Variants in REPS2 observed in about 807,000 individuals in gnomAD.
REPS2 encodes RALBP1 associated Eps domain containing 2.
A neutral mutation model predicts 53.6 loss-of-function variants in REPS2; 23 were observed. The observed-to-expected ratio is 0.43, with a 90% CI of 0.31 to 0.61. The LOEUF is 0.61. REPS2 is among the 20% of genes least tolerant of loss of function. REPS2 has a pLI of 0.11. For synonymous variants in REPS2, 238 were observed against 218.6 expected (o/e 1.09, Z -0.78); for missense variants, 446 against 534.9 (o/e 0.83, Z 1.64).
chrX:17,032,072 A>T (rs780666998), intron 5 of REPS2, among the ~76,000 whole-genome samples: 9 of 111,828 alleles, frequency 8.0e-5, no homozygotes, highest in Non-Finnish European at 1.7e-4. Context: ...CCTAGATGAA[A>T]TACTGGCACT....
intron 6 of REPS2, among the ~76,000 whole-genome samples, chrX:17,049,718 A>G (rs993737334): frequency 2.7e-5 from 3 of 111,175 alleles, no homozygotes; most frequent in Non-Finnish European, 5.7e-5. Flanking sequence ...TTCCTCAAGC[A>G]TTTATCTATT....
At chrX:17,045,201 G>C (rs1376209347) in intron 5 of REPS2, among the ~76,000 whole-genome samples, 1 of 105,787 alleles carries the variant, frequency 9.5e-6, no homozygotes, top group African/African-American at 3.3e-5. Context: ...CCAAAGTTCT[G>C]GGATTACACG....
At chrX:17,176,950 T>C in the REPS2 span, among the ~76,000 whole-genome samples, 2 of 111,458 alleles carry the variant, frequency 1.8e-5, no homozygotes, top group South Asian at 3.7e-4. Flanking sequence ...CTGCAGTGTC[T>C]CCTCCTCGGT....
intron 5 of REPS2, among the ~76,000 whole-genome samples, chrX:17,041,069 G>A (rs1030981496): frequency 7.2e-5 from 8 of 111,679 alleles, no homozygotes; most frequent in South Asian, 7.4e-4. Flanking sequence ...TTGGCAGGCC[G>A]CTGTCCTCAG....
At position 17,121,602 on chromosome X, in the gene REPS2, GC is replaced by G. The variant is rs777334875; in HGVS notation, c.1579-12220del. 4.3e-4 allele frequency among the ~76,000 whole-genome samples: 49 copies of G among 112,668 alleles called. No homozygotes were observed. The Middle Eastern group carries it at 0.023, about 53-fold the overall frequency. ...CCCAGAATGTGCTATTAGAAATGGG[GC>G]CATATTTTTGAAGTTGCTAGGGGCA... On this transcript the variant is annotated intron_variant, in intron 14 of 17. Transcript: ENST00000357277.
intron 1 of REPS2, among the ~76,000 whole-genome samples, chrX:16,993,598 G>T (rs1056628980): frequency 8.9e-6 from 1 of 112,288 alleles, no homozygotes; most frequent in African/African-American, 3.2e-5. Flanking sequence ...AACTGCAGAA[G>T]CATAAGTGAC....
intron 13 of REPS2, among the ~76,000 whole-genome samples, chrX:17,090,019 TC>T (rs767659698): frequency 1.2e-4 from 13 of 112,354 alleles, no homozygotes; most frequent in Non-Finnish European, 1.9e-4. Flanking sequence ...GGTTACTATT[TC>T]TTTATATCCT....
chrX:17,119,868 C>CTTTTTTTTTTTTTTTTTTTTTTTTT (rs35141257), intron 14 of REPS2, among the ~76,000 whole-genome samples: 1 of 40,516 alleles, frequency 2.5e-5, no homozygotes, highest in African/African-American at 1.2e-4. Context: ...CGCACTGTGA[C>CTTTTTTTTTTTTTTTTTTTTTTTTT]TTTTTTTTTT....
chrX:17,118,927 A>G (rs1410227381), intron 14 of REPS2, among the ~76,000 whole-genome samples: 1 of 112,514 alleles, frequency 8.9e-6, no homozygotes, highest in African/African-American at 3.2e-5. Context: ...CATAATAAAT[A>G]ATTATTTATG....
chrX:16,977,716 TAAA>T (rs67498814), intron 1 of REPS2, among the ~76,000 whole-genome samples: 20 of 78,196 alleles, frequency 2.6e-4, no homozygotes, highest in Admixed American at 3.0e-4. Flanking sequence ...ACCCTGTCTC[TAAA>T]AAAAAAAAAA....
intron 1 of REPS2, among the ~76,000 whole-genome samples, chrX:16,984,709 A>G (rs1390010107): frequency 4.5e-5 from 5 of 112,333 alleles, no homozygotes; most frequent in South Asian, 3.7e-4. Context: ...TGGGTAAAAT[A>G]AAGGCCGTGG....
chrX:17,188,281 C>T, the REPS2 span, among the ~76,000 whole-genome samples: 3 of 112,494 alleles, frequency 2.7e-5, no homozygotes, highest in African/African-American at 6.5e-5. Flanking sequence ...TTCCCATTTA[C>T]GGTAGAAATA....
intron 1 of REPS2, among the ~76,000 whole-genome samples, chrX:16,987,116 G>T (rs1443245220): frequency 9.1e-6 from 1 of 109,382 alleles, no homozygotes; most frequent in Non-Finnish European, 1.9e-5. Context: ...TTATTTTTTT[G>T]TAGGGACAGG....
intron 2 of REPS2, among the ~76,000 whole-genome samples, chrX:17,011,072 TGTGTGTGTGTGTGTGTGTGTG>T (rs2061423745): frequency 1.2e-4 from 1 of 8,444 alleles, no homozygotes. Flanking sequence ...TGTGTGTGTG[TGTGTGTGTGTGTGTGTGTGTG>T]TGTGTGTAGT....
At chrX:17,083,200 C>T (rs1217655433) in intron 13 of REPS2, among the ~76,000 whole-genome samples, 3 of 107,540 alleles carry the variant, frequency 2.8e-5, no homozygotes, top group Non-Finnish European at 5.8e-5. Context: ...TCTCCTGCCT[C>T]GGCCTCCCAA....
chrX:17,015,025 G>A (rs936400674), intron 2 of REPS2, among the ~76,000 whole-genome samples: 8 of 113,198 alleles, frequency 7.1e-5, no homozygotes, highest in African/African-American at 9.6e-5. Context: ...GTGGCCTCCG[G>A]CCAGTTTCTT....
At chrX:17,181,605 A>C in the REPS2 span, among the ~76,000 whole-genome samples, 1 of 112,360 alleles carries the variant, frequency 8.9e-6, no homozygotes, top group Non-Finnish European at 1.9e-5. Flanking sequence ...GGAACAGTGC[A>C]CAGCTGAATC....
At chrX:17,106,860 C>T (rs922711817) in intron 14 of REPS2, among the ~76,000 whole-genome samples, 1 of 111,946 alleles carries the variant, frequency 8.9e-6, no homozygotes, top group Admixed American at 9.4e-5. Context: ...AAGAACAAAG[C>T]TGGAGGCATC....
downstream of REPS2, among the ~76,000 whole-genome samples, chrX:17,154,508 C>T (rs186653175): frequency 9.0e-6 from 1 of 111,703 alleles, no homozygotes; most frequent in East Asian, 2.8e-4. Flanking sequence ...AACAAAGAAC[C>T]CTGGGAATTC....
Sources: gnomAD v4.1 joint callset for allele counts (sites outside exome capture counted in the v4.1 genomes callset) on GRCh38, gnomAD v4.1.1 for gene constraint, MANE v1.5 for transcripts, NCBI Gene and HGNC (gene_info 2026-07-23, HGNC 2026-07-21) for gene names.